Variants in PRKCQ observed in about 807,000 individuals in gnomAD.
The protein encoded by PRKCQ is protein kinase C theta type.
Under a neutral mutation model 91.2 loss-of-function variants are expected in PRKCQ, and 41 were observed. The observed-to-expected ratio is 0.45, with a 90% CI of 0.35 to 0.58. The LOEUF is 0.58. Ranked by LOEUF, PRKCQ falls within the 20% of genes least tolerant of loss-of-function variation. The pLI, the probability that PRKCQ is intolerant of heterozygous loss-of-function variation, is 0.00. For missense variants in PRKCQ, 673 were observed against 896.5 expected (o/e 0.75, Z 3.18); for synonymous variants, 307 against 316.9 (o/e 0.97, Z 0.33).
chr10:6,441,192 A>G (rs1833952164), intron 16 of PRKCQ, among the ~76,000 whole-genome samples: 2 of 152,154 alleles, frequency 1.3e-5, no homozygotes, highest in Non-Finnish European at 2.9e-5. Flanking sequence ...AAACTATGGG[A>G]AACAAAAGAC....
chr10:6,565,246 C>A (rs76623669), intron 1 of PRKCQ, among the ~76,000 whole-genome samples: 231 of 152,084 alleles, frequency 1.5e-3, no homozygotes, highest in African/African-American at 5.0e-3. Context: ...ATATTTAGAC[C>A]CATAGGTCTA....
At chr10:6,496,465 T>C (rs1453511936) in intron 7 of PRKCQ, among the ~76,000 whole-genome samples, 2 of 152,118 alleles carry the variant, frequency 1.3e-5, no homozygotes, top group South Asian at 2.1e-4. Flanking sequence ...GTAAATGCCA[T>C]GTTGCTGTAT....
At chr10:6,406,124 A>C in the PRKCQ span, among the ~76,000 whole-genome samples, 1 of 152,264 alleles carries the variant, frequency 6.6e-6, no homozygotes, top group Non-Finnish European at 1.5e-5. Flanking sequence ...AATTGAGATT[A>C]GATTATAAGG....
chr10:6,428,356 G>T lies in PRKCQ; in HGVS notation c.1972C>A (p.Pro658Thr), dbSNP rs1833230055. The T allele has an allele frequency of 6.2e-7, 1 of 1,613,168 alleles. No homozygotes were observed. Among genetic ancestry groups the T allele is most frequent in the Non-Finnish European group, 8.5e-7 (1 of 1,179,660 alleles). The change falls in exon 18 of 18, where the codon CCA (proline) becomes ACA (threonine). Residue 658 changes from proline (P) to threonine (T), a missense_variant. Coordinates refer to ENST00000263125, the MANE Select transcript of PRKCQ (RefSeq NM_006257.5). Reference protein sequence around the residue: ...DPPFRPKVKSPFDCSNFDKEF... With the variant: ...DPPFRPKVKSTFDCSNFDKEF... ...TTGTCGAAATTGCTGCAGTCAAATG[G>T]TGATTTCTTAGTCAGAGTTTAAGGG...
At chr10:6,515,660 G>A (rs189263695) in intron 1 of PRKCQ, 4 of 308,788 alleles carry the variant, frequency 1.3e-5, no homozygotes, top group Admixed American at 1.3e-4. Flanking sequence ...ATTTACTCTG[G>A]ACATTTTCAA....
intron 12 of PRKCQ, among the ~76,000 whole-genome samples, chr10:6,474,901 G>T (rs1396541493): frequency 1.3e-5 from 2 of 152,080 alleles, no homozygotes; most frequent in African/African-American, 4.8e-5. Flanking sequence ...CACTGAAGGG[G>T]GTACTGAGAA....
chr10:6,403,319 G>C, the PRKCQ span, among the ~76,000 whole-genome samples: 1 of 152,208 alleles, frequency 6.6e-6, no homozygotes, highest in Non-Finnish European at 1.5e-5. Context: ...AGTCGGAGTA[G>C]GGCAAGGCTA....
chr10:6,466,548 C>T (rs1440263905), intron 12 of PRKCQ, among the ~76,000 whole-genome samples: 1 of 152,250 alleles, frequency 6.6e-6, no homozygotes, highest in African/African-American at 2.4e-5. Flanking sequence ...TGTCAAATAT[C>T]TGTTCTGCTC....
chr10:6,542,711 C>T (rs1839817545), intron 1 of PRKCQ, among the ~76,000 whole-genome samples: 1 of 152,140 alleles, frequency 6.6e-6, no homozygotes, highest in Admixed American at 6.5e-5. Flanking sequence ...CCTGGGCCAT[C>T]AGAAGATCAG....
the PRKCQ span, among the ~76,000 whole-genome samples, chr10:6,411,688 T>C: frequency 6.6e-6 from 1 of 152,200 alleles, no homozygotes; most frequent in East Asian, 1.9e-4. Context: ...ACAGACTGTA[T>C]GGCTGTCAAA....
intron 7 of PRKCQ, among the ~76,000 whole-genome samples, chr10:6,495,423 G>T (rs115422764): frequency 0.01 from 1,538 of 152,250 alleles, 29 homozygotes; most frequent in African/African-American, 0.036. Flanking sequence ...CCTGTAAGGA[G>T]CTTCCTTCCT....
rs544484492 is a variant in PRKCQ at position 6,485,180 on chromosome 10, C to T, written c.990G>A (p.Pro330=). 18 of 1,613,774 alleles carry T rather than the reference C, an allele frequency of 1.1e-5. No homozygotes were observed. Among genetic ancestry groups the T allele is most frequent in the Middle Eastern group, 1.6e-4 (1 of 6,084 alleles). The change falls in exon 10 of 18, where the codon CCG becomes CCA. Residue 330 remains proline (P), a synonymous_variant. Transcript: ENST00000263125. ...TTTTTCCCGGTGTCGGTAAACATGG[C>T]GGCCTTGCTTCATTTTTGATGGAGC... The part of the protein sequence containing the change: ...LPCSIKNEAR[P]PCLPTPGKRE...
intron 12 of PRKCQ, among the ~76,000 whole-genome samples, chr10:6,473,763 A>G (rs1201911744): frequency 6.6e-6 from 1 of 152,220 alleles, no homozygotes; most frequent in African/African-American, 2.4e-5. Context: ...TCTGAATAAA[A>G]TGCTTGAAAT....
the PRKCQ span, among the ~76,000 whole-genome samples, chr10:6,414,574 G>C: frequency 6.6e-6 from 1 of 152,010 alleles, no homozygotes; most frequent in African/African-American, 2.4e-5. Context: ...CATTCAAAAA[G>C]CTAGAAGTAT....
intron 12 of PRKCQ, 72 bp downstream of exon 12, chr10:6,478,920 G>A (rs1341627222): frequency 1.3e-5 from 20 of 1,529,012 alleles, no homozygotes; most frequent in Non-Finnish European, 1.8e-5. Flanking sequence ...GTCTCCTAAT[G>A]AGGGCGCCAT....
chr10:6,469,079 AG>A (rs1466673400), intron 12 of PRKCQ, among the ~76,000 whole-genome samples: 1 of 152,248 alleles, frequency 6.6e-6, no homozygotes, highest in Non-Finnish European at 1.5e-5. Flanking sequence ...AAAAGCATTA[AG>A]TTGCATTATA....
chr10:6,555,157 AAACT>A (rs1840363211), intron 1 of PRKCQ, among the ~76,000 whole-genome samples: 2 of 152,282 alleles, frequency 1.3e-5, no homozygotes, highest in South Asian at 2.1e-4. Flanking sequence ...TAGGGTTGAA[AAACT>A]AACTATTGGG....
intron 12 of PRKCQ, among the ~76,000 whole-genome samples, chr10:6,467,072 G>A (rs973794956): frequency 3.3e-5 from 5 of 152,018 alleles, no homozygotes; most frequent in Non-Finnish European, 5.9e-5. Context: ...GGTCCTCAGT[G>A]GGCAATTGAT....
chr10:6,501,756 G>A lies in PRKCQ; in HGVS notation c.380-3198C>T, dbSNP rs1004788160. 5.3e-5 allele frequency among the ~76,000 whole-genome samples: 8 copies of A among 152,150 alleles called. No individual in the cohort carries two copies. In the South Asian group the frequency reaches 6.2e-4, roughly 12 times the overall value. ...GGAGAATCGCTTGAACTCGGGAGGC[G>A]GAGGTTGCGGCGAGCCAACATAGCA... On this transcript the variant is annotated intron_variant, in intron 4 of 17. Coordinates refer to ENST00000263125, the MANE Select transcript of PRKCQ (RefSeq NM_006257.5).
Sources: allele counts gnomAD v4.1 joint callset (sites outside exome capture counted in the v4.1 genomes callset), GRCh38; gene constraint gnomAD v4.1.1; transcripts MANE v1.5; gene names NCBI Gene and HGNC (gene_info 2026-07-23, HGNC 2026-07-21).